Variants in MRAS observed in about 807,000 individuals in gnomAD.
MRAS encodes the protein ras-related protein M-Ras.
Under a neutral mutation model 20.9 loss-of-function variants are expected in MRAS, and 4 were observed. The ratio of observed to expected loss-of-function variants is 0.19; its 90% CI spans 0.09 to 0.44. The LOEUF (loss-of-function observed/expected upper bound fraction) is 0.44. MRAS is among the 20% of genes least tolerant of loss of function. The pLI, the probability that MRAS is intolerant of heterozygous loss-of-function variation, is 0.99. For missense variants in MRAS, 154 were observed against 277.5 expected, an observed-to-expected ratio of 0.56 and a Z score of 3.16; for synonymous variants, 98 against 102.9, an observed-to-expected ratio of 0.95 and a Z score of 0.29.
chr3:138,383,045 A>G (rs2054937488), intron 2 of MRAS, among the ~76,000 whole-genome samples: 1 of 152,306 alleles, frequency 6.6e-6, no homozygotes, highest in South Asian at 2.1e-4. Context: ...CTCTGGACAA[A>G]GACCTTGCAC....
intron 2 of MRAS, among the ~76,000 whole-genome samples, chr3:138,396,203 C>T (rs1004211881): frequency 1.3e-5 from 2 of 152,228 alleles, no homozygotes; most frequent in Admixed American, 6.5e-5. Flanking sequence ...GACCCTCCCA[C>T]AGGGCTTTTG....
At chr3:138,360,516 T>A (rs1362485008) in intron 1 of MRAS, among the ~76,000 whole-genome samples, 1 of 151,902 alleles carries the variant, frequency 6.6e-6, no homozygotes, top group African/African-American at 2.4e-5. Flanking sequence ...GCTGGTGGGG[T>A]CTCAGTGCTT....
chr3:138,397,632 A>G (rs1260175427), intron 3 of MRAS, among the ~76,000 whole-genome samples, 155 bp downstream of exon 3: 2 of 152,146 alleles, frequency 1.3e-5, no homozygotes, highest in African/African-American at 2.4e-5. Context: ...ATCATTTGAA[A>G]TCTGGTTTAT....
At chr3:138,351,949 C>T (rs544693177) in intron 1 of MRAS, among the ~76,000 whole-genome samples, 2 of 152,164 alleles carry the variant, frequency 1.3e-5, no homozygotes, top group Admixed American at 6.5e-5. Context: ...TCTAAAGGCA[C>T]GTGACTTCTC....
chr3:138,382,349 C>G (rs556681252), intron 2 of MRAS, among the ~76,000 whole-genome samples: 6 of 152,322 alleles, frequency 3.9e-5, no homozygotes, highest in African/African-American at 1.4e-4. Flanking sequence ...TTACTACCAA[C>G]CAGACTTTTC....
chr3:138,361,667 G>A (rs899901116), intron 1 of MRAS, among the ~76,000 whole-genome samples: 4 of 152,160 alleles, frequency 2.6e-5, no homozygotes, highest in South Asian at 2.1e-4. Context: ...AGGGCAAAGC[G>A]GAGTCAGAGC....
At chr3:138,377,054 C>T (rs989929237) in intron 2 of MRAS, among the ~76,000 whole-genome samples, 1 of 152,210 alleles carries the variant, frequency 6.6e-6, no homozygotes, top group African/African-American at 2.4e-5. Flanking sequence ...ATGTTTTCCT[C>T]AACATTTATA....
chr3:138,358,805 C>T (rs1179917429), intron 1 of MRAS, among the ~76,000 whole-genome samples: 1 of 152,202 alleles, frequency 6.6e-6, no homozygotes, highest in Non-Finnish European at 1.5e-5. Context: ...ATAGTAATCT[C>T]ATATAGTCTG....
chr3:138,360,126 T>C (rs1332434541), intron 1 of MRAS, among the ~76,000 whole-genome samples: 2 of 152,206 alleles, frequency 1.3e-5, no homozygotes, highest in Non-Finnish European at 2.9e-5. Flanking sequence ...CTATCACTTA[T>C]TGACACAGCC....
At chr3:138,400,293 G>T in intron 4 of MRAS, 1 of 439,788 alleles carries the variant, frequency 2.3e-6, no homozygotes, top group Non-Finnish European at 4.0e-6. Flanking sequence ...CTATTTTTAG[G>T]GAGCTATTAA....
At chr3:138,354,213 C>A (rs983696733) in intron 1 of MRAS, among the ~76,000 whole-genome samples, 12 of 152,050 alleles carry the variant, frequency 7.9e-5, no homozygotes, top group African/African-American at 2.9e-4. Flanking sequence ...ACAAATGAAC[C>A]CCTAAATCAT....
intron 2 of MRAS, among the ~76,000 whole-genome samples, chr3:138,397,055 C>G (rs926661569): frequency 4.6e-5 from 7 of 152,120 alleles, no homozygotes; most frequent in African/African-American, 1.4e-4. Flanking sequence ...AGAATTTAGG[C>G]CTAGTAAGCA....
intron 2 of MRAS, among the ~76,000 whole-genome samples, chr3:138,385,660 C>T (rs1182871205): frequency 6.6e-6 from 1 of 151,912 alleles, no homozygotes; most frequent in South Asian, 2.1e-4. Context: ...GGACTGCAGG[C>T]GCCCGCCACC....
chr3:138,377,665 A>G (rs566883542), intron 2 of MRAS, among the ~76,000 whole-genome samples: 3 of 152,174 alleles, frequency 2.0e-5, no homozygotes, highest in Non-Finnish European at 4.4e-5. Flanking sequence ...AGGCCATGCC[A>G]TCTTCGGGGA....
chr3:138,402,640 T>G lies in MRAS; in HGVS notation c.*371T>G, dbSNP rs2055384682. On this transcript the variant is annotated 3_prime_UTR_variant, in exon 6 of 6. Transcript: ENST00000423968. ...CACATACAAAGTACAAAACAAGCCA[T>G]GAACAAGCTTCTTTCCCTTACCCCC... 1.6e-5 allele frequency: 3 copies of G among 189,998 alleles called. No homozygotes were observed. Among genetic ancestry groups the G allele is most frequent in the African/African-American group, 7.0e-5 (3 of 43,028 alleles). 11.8% of individuals were successfully genotyped at this position (189,998 alleles called of 1,614,324 possible).
chr3:138,356,895 C>T (rs1028000987), intron 1 of MRAS, among the ~76,000 whole-genome samples: 1 of 152,194 alleles, frequency 6.6e-6, no homozygotes, highest in Non-Finnish European at 1.5e-5. Context: ...TCACTGACCC[C>T]GTCCCCCCGT....
chr3:138,352,233 A>G (rs1214004959), intron 1 of MRAS, among the ~76,000 whole-genome samples: 1 of 152,164 alleles, frequency 6.6e-6, no homozygotes, highest in Non-Finnish European at 1.5e-5. Context: ...ATGGTGCCCC[A>G]TCTCTTGTTC....
intron 1 of MRAS, among the ~76,000 whole-genome samples, chr3:138,353,753 T>C (rs76347063): frequency 2.0e-5 from 3 of 152,364 alleles, no homozygotes; most frequent in Non-Finnish European, 4.4e-5. Flanking sequence ...GACCCTGTAC[T>C]GTATACTTTA....
At chr3:138,358,272 GT>G (rs1464598915) in intron 1 of MRAS, among the ~76,000 whole-genome samples, 3 of 151,976 alleles carry the variant, frequency 2.0e-5, no homozygotes, top group Non-Finnish European at 4.4e-5. Context: ...AGGAGGCAGA[GT>G]CTGCACTGAG....
Sources: gnomAD v4.1 joint callset for allele counts (sites outside exome capture counted in the v4.1 genomes callset) on GRCh38, gnomAD v4.1.1 for gene constraint, MANE v1.5 for transcripts, NCBI Gene and HGNC (gene_info 2026-07-23, HGNC 2026-07-21) for gene names.